The following AQR variants were observed in gnomAD, a reference collection of about 807,000 sequenced individuals.
AQR encodes the protein RNA helicase aquarius.
AQR carries 61 observed loss-of-function variants against 180.5 expected under a neutral mutation model. The observed-to-expected ratio is 0.34, with a 90% CI of 0.28 to 0.42. AQR has a LOEUF of 0.42. Ranked by LOEUF, AQR falls within the 10% of genes least tolerant of loss-of-function variation. The pLI is 1.00. For missense variants in AQR, 1,281 were observed against 1,798.3 expected, an observed-to-expected ratio of 0.71 and a Z score of 5.20; for synonymous variants, 551 against 588.8, an observed-to-expected ratio of 0.94 and a Z score of 0.93.
At chr15:34,871,946 A>G (rs1249211743) in intron 30 of AQR, among the ~76,000 whole-genome samples, 1 of 151,018 alleles carries the variant, frequency 6.6e-6, no homozygotes, top group African/African-American at 2.4e-5. Flanking sequence ...AAGAATATAA[A>G]CACAATATTT....
At chr15:34,920,131 G>A (rs143638685) in intron 14 of AQR, among the ~76,000 whole-genome samples, 4 of 152,186 alleles carry the variant, frequency 2.6e-5, no homozygotes, top group Admixed American at 6.5e-5. Flanking sequence ...AAAGTAGTTC[G>A]AAGAGATAAA....
At chr15:34,867,017 T>G (rs1264972705) in intron 32 of AQR, among the ~76,000 whole-genome samples, 1 of 152,126 alleles carries the variant, frequency 6.6e-6, no homozygotes, top group Non-Finnish European at 1.5e-5. Flanking sequence ...TAAGAAGATA[T>G]TATTTCCGTA....
intron 16 of AQR, 60 bp from the exon 17 acceptor site, chr15:34,910,373 A>T: frequency 1.9e-6 from 3 of 1,557,274 alleles, no homozygotes; most frequent in Non-Finnish European, 2.6e-6. Flanking sequence ...CAACTTTTAG[A>T]CAAGTTAAAA....
chr15:34,878,293 C>G (rs1294159188), intron 27 of AQR, among the ~76,000 whole-genome samples: 1 of 143,078 alleles, frequency 7.0e-6, no homozygotes, highest in African/African-American at 2.6e-5. Flanking sequence ...GGCTGAGGCA[C>G]TAGAAGTGTT....
At chr15:34,961,208 T>TA (rs2050275356) in intron 2 of AQR, among the ~76,000 whole-genome samples, 1 of 152,112 alleles carries the variant, frequency 6.6e-6, no homozygotes, top group African/African-American at 2.4e-5. Flanking sequence ...TGTGAAGACA[T>TA]AACAGACACA....
At chr15:34,886,862 G>A (rs989033679) in intron 24 of AQR, among the ~76,000 whole-genome samples, 1 of 151,912 alleles carries the variant, frequency 6.6e-6, no homozygotes, top group African/African-American at 2.4e-5. Context: ...GGTGGTTCAC[G>A]CCTGTAATCC....
chr15:34,957,345 C>CG (rs1413102922), intron 3 of AQR, among the ~76,000 whole-genome samples: 1 of 151,644 alleles, frequency 6.6e-6, no homozygotes, highest in African/African-American at 2.4e-5. Flanking sequence ...TTAGTAGAGA[C>CG]GGGGTTTCAC....
rs113835992 is a variant in AQR, at chr15:34,877,241, C to T, written c.3166-1235G>A. Among the ~76,000 whole-genome samples the T allele has an allele frequency of 8.7e-3, 1,328 of 152,262 alleles. 20 individuals carry two copies. The highest frequency in any genetic ancestry group is 0.03 in the African/African-American group (1,262 of 41,546). On this transcript the variant is annotated intron_variant, in intron 27 of 34. Transcript: ENST00000156471. ...TTTCCTATTCACATCTAATTCTGAT[C>T]GCTACTTAGTATGACATCTTGTTTT...
chr15:34,925,575 T>A (rs1893748455), intron 13 of AQR, among the ~76,000 whole-genome samples: 1 of 152,218 alleles, frequency 6.6e-6, no homozygotes, highest in Non-Finnish European at 1.5e-5. Flanking sequence ...GAGCGGTGGC[T>A]CATGCCTCTA....
In AQR at chr15:34,860,409, TA is replaced by T. The variant is rs35242788; in HGVS notation, c.4030-255del. Among the ~76,000 whole-genome samples the T allele has an allele frequency of 7.7e-3, 1,080 of 140,302 alleles. 1 individual carries two copies. The highest frequency in any genetic ancestry group is 0.011 in the African/African-American group (437 of 38,292). 92.0% of individuals were successfully genotyped at this position (140,302 alleles called of 152,430 possible). A position where few individuals can be genotyped will look rare whatever the true frequency, so the allele number is the denominator to read the frequency against. On this transcript the variant is annotated intron_variant, in intron 33 of 34. Coordinates refer to ENST00000156471, the MANE Select transcript of AQR (RefSeq NM_014691.3). Reference sequence around the variant, plus strand: ...TGCCTGCTGGCCACGTGACTCCCATTAAAAAAAAAAAAAGACTTCATGAAGA... The same window carrying T: ...TGCCTGCTGGCCACGTGACTCCCATTAAAAAAAAAAAAGACTTCATGAAGA...
At chr15:34,874,616 T>G in intron 29 of AQR, 61 bp downstream of exon 29, 1 of 1,587,924 alleles carries the variant, frequency 6.3e-7, no homozygotes, top group Non-Finnish European at 8.6e-7. Flanking sequence ...TATTCACAAA[T>G]ACTTGGATCA....
chr15:34,868,383 T>C (rs1001223931), intron 31 of AQR: 1 of 151,790 alleles, frequency 6.6e-6, no homozygotes, highest in Non-Finnish European at 1.5e-5. Flanking sequence ...AATAGGGAAG[T>C]TCAGAAAGGT....
intron 8 of AQR, among the ~76,000 whole-genome samples, 184 bp from the exon 9 acceptor site, chr15:34,938,997 A>G (rs567997006): frequency 1.3e-5 from 2 of 152,326 alleles, no homozygotes; most frequent in African/African-American, 2.4e-5. Flanking sequence ...GAAGAAAAGG[A>G]GAGTCACATT....
chr15:34,936,511 TTCAAGAC>T (rs1893947279), intron 9 of AQR, among the ~76,000 whole-genome samples: 1 of 151,698 alleles, frequency 6.6e-6, no homozygotes, highest in Non-Finnish European at 1.5e-5. Context: ...AGGTCAGGAG[TTCAAGAC>T]CAGCCTGGCC....
At chr15:34,865,023 T>C (rs990906351) in intron 32 of AQR, among the ~76,000 whole-genome samples, 2 of 152,020 alleles carry the variant, frequency 1.3e-5, no homozygotes, top group African/African-American at 4.8e-5. Context: ...AATGACCAAA[T>C]ACTACGAACA....
intron 12 of AQR, among the ~76,000 whole-genome samples, chr15:34,929,836 G>C (rs757837317): frequency 5.3e-5 from 8 of 152,190 alleles, no homozygotes; most frequent in Non-Finnish European, 8.8e-5. Flanking sequence ...GATAAGATCA[G>C]CAAAAGAAAA....
At chr15:34,922,838 AG>A (rs1480134961) in intron 13 of AQR, among the ~76,000 whole-genome samples, 1 of 152,072 alleles carries the variant, frequency 6.6e-6, no homozygotes, top group African/African-American at 2.4e-5. Flanking sequence ...AAATTCTAAT[AG>A]GTATGTAGTA....
At chr15:34,946,920 C>T (rs865779006) in intron 5 of AQR, among the ~76,000 whole-genome samples, 7 of 150,646 alleles carry the variant, frequency 4.6e-5, no homozygotes, top group South Asian at 2.1e-4. Context: ...CCAGCCGCCC[C>T]ATCCGGGAGG....
intron 5 of AQR, among the ~76,000 whole-genome samples, chr15:34,947,903 T>G (rs957120097): frequency 6.6e-6 from 1 of 152,172 alleles, no homozygotes; most frequent in Non-Finnish European, 1.5e-5. Flanking sequence ...GCTTTCCAAG[T>G]GCAGGATTAT....
Sources: gnomAD v4.1 joint callset for allele counts (sites outside exome capture counted in the v4.1 genomes callset) on GRCh38, gnomAD v4.1.1 for gene constraint, MANE v1.5 for transcripts, NCBI Gene and HGNC (gene_info 2026-07-23, HGNC 2026-07-21) for gene names.